The following MPHOSPH9 variants were observed in gnomAD, a reference collection of about 807,000 sequenced individuals.
MPHOSPH9 encodes M-phase phosphoprotein 9.
MPHOSPH9 carries 88 observed loss-of-function variants against 145.5 expected under a neutral mutation model. The observed-to-expected ratio is 0.60, with a 90% CI of 0.51 to 0.72. The LOEUF is 0.72. Ranked by LOEUF, MPHOSPH9 falls within the 30% of genes least tolerant of loss-of-function variation. The pLI is 0.00. For missense variants in MPHOSPH9, 1,238 were observed against 1,386.6 expected, an observed-to-expected ratio of 0.89 and a Z score of 1.70; for synonymous variants, 435 against 486.2, an observed-to-expected ratio of 0.89 and a Z score of 1.39.
intron 18 of MPHOSPH9, among the ~76,000 whole-genome samples, chr12:123,165,014 TCAAA>T (rs2044254558): frequency 9.2e-5 from 2 of 21,630 alleles, no homozygotes; most frequent in African/African-American, 3.9e-4. Context: ...TCTCACTGTC[TCAAA>T]AAAAAAAAAA....
chr12:123,198,283 T>G lies in MPHOSPH9; in HGVS notation c.1989A>C (p.Thr663=), dbSNP rs1383889780. Residue 663 remains threonine (T), a synonymous_variant, in exon 12 of 24, where the codon ACA becomes ACC. Transcript: ENST00000606320. The stretch of plus-strand genomic sequence containing the variant: ...CCAGTAAGTTATTCTTATTTTCAAG[T>G]GTTCTCACGCGACTAGTAGCTTCAT... ...ALHEATSRVR[T]LENKNNLLEI... The G allele has an allele frequency of 2.5e-6, 4 of 1,612,220 alleles. No homozygotes were observed.
At chr12:123,231,443 G>A (rs2047629758) in intron 1 of MPHOSPH9, among the ~76,000 whole-genome samples, 1 of 152,166 alleles carries the variant, frequency 6.6e-6, no homozygotes, top group Non-Finnish European at 1.5e-5. Flanking sequence ...CAATTAAACT[G>A]TTAACAACCA....
intron 8 of MPHOSPH9, among the ~76,000 whole-genome samples, chr12:123,208,034 A>G (rs1180211751): frequency 6.6e-6 from 1 of 151,476 alleles, no homozygotes; most frequent in Non-Finnish European, 1.5e-5. Flanking sequence ...CCTGGCCAAC[A>G]TCACGAAACT....
intron 2 of MPHOSPH9, 133 bp from the exon 3 acceptor site, chr12:123,227,749 A>G (rs1022731088): frequency 4.1e-5 from 30 of 730,544 alleles, no homozygotes; most frequent in Non-Finnish European, 4.7e-5. Flanking sequence ...TCATTTGTTC[A>G]AAATCTGATC....
intron 21 of MPHOSPH9, 45 bp from the exon 22 acceptor site, chr12:123,161,428 C>A (rs199689716): frequency 1.2e-6 from 2 of 1,603,126 alleles, no homozygotes; most frequent in Non-Finnish European, 1.7e-6. Flanking sequence ...ATCAATTTTT[C>A]GTGTAGGTTG....
intron 4 of MPHOSPH9, 136 bp from the exon 5 acceptor site, chr12:123,222,031 TA>T (rs2047221238): frequency 1.5e-6 from 1 of 664,786 alleles, no homozygotes; most frequent in African/African-American, 1.8e-5. Flanking sequence ...ATCTTTAGTT[TA>T]TAAACAAAAT....
intron 12 of MPHOSPH9, among the ~76,000 whole-genome samples, chr12:123,196,572 G>C (rs1253369102): frequency 1.3e-5 from 2 of 151,950 alleles, no homozygotes; most frequent in African/African-American, 2.4e-5. Flanking sequence ...TCTTTGTTCA[G>C]AAAGAAAAAA....
At chr12:123,158,803 G>C (rs1194376490) in intron 23 of MPHOSPH9, among the ~76,000 whole-genome samples, 1 of 151,912 alleles carries the variant, frequency 6.6e-6, no homozygotes, top group African/African-American at 2.4e-5. Context: ...TAATTTTTTT[G>C]TATTTTTAGT....
chr12:123,157,740 G>A (rs2043932558), intron 23 of MPHOSPH9, among the ~76,000 whole-genome samples: 1 of 151,922 alleles, frequency 6.6e-6, no homozygotes, highest in South Asian at 2.1e-4. Context: ...ACCCACCTCG[G>A]CCTCCCAAAG....
intron 11 of MPHOSPH9, among the ~76,000 whole-genome samples, chr12:123,200,391 T>A (rs1350109441): frequency 1.3e-5 from 2 of 152,020 alleles, no homozygotes; most frequent in East Asian, 3.9e-4. Flanking sequence ...AGTGATTACA[T>A]CTACTCCAGT....
chr12:123,196,726 C>G (rs1046498515), intron 12 of MPHOSPH9, among the ~76,000 whole-genome samples: 3 of 151,912 alleles, frequency 2.0e-5, no homozygotes, highest in African/African-American at 7.3e-5. Flanking sequence ...ACATTCATAG[C>G]AATATAATTT....
Position 123,156,856 on chromosome 12 carries a change from C to T in MPHOSPH9, c.3503G>A (p.Arg1168His), listed in dbSNP as rs758488639. The T allele has an allele frequency of 2.5e-6, 4 of 1,611,850 alleles. No individual in the cohort carries two copies. Among genetic ancestry groups the T allele is most frequent in the East Asian group, 2.2e-5 (1 of 44,836 alleles). The change falls in exon 24 of 24, where the codon CGC becomes CAC. Residue 1168 changes from arginine (R) to histidine (H), a missense_variant. By Grantham distance (29) the Arg-to-His change is conservative (BLOSUM62 0). This residue lies in a region of MPHOSPH9 where 393 missense variants were observed against 462.5 expected (regional missense o/e 0.85). Transcript: ENST00000606320. ...AACATGGAATTTCTTTAGCGTCATG[C>T]GAACTGAACCCAGTTCTCGATTAAT... ...ERINRELGSV[R>H]MTLKKFHVLR...
intron 13 of MPHOSPH9, among the ~76,000 whole-genome samples, chr12:123,187,674 G>C (rs1277616985): frequency 6.6e-6 from 1 of 152,152 alleles, no homozygotes; most frequent in African/African-American, 2.4e-5. Context: ...GAACAGCTCA[G>C]AGCCTCAAAG....
upstream of MPHOSPH9, among the ~76,000 whole-genome samples, chr12:123,234,872 C>CCTT (rs1555235044): frequency 6.6e-6 from 1 of 152,174 alleles, no homozygotes; most frequent in Non-Finnish European, 1.5e-5. Flanking sequence ...ACAGTGATCT[C>CCTT]CTTAGTACCT....
chr12:123,206,033 C>A (rs1280771932), intron 8 of MPHOSPH9, among the ~76,000 whole-genome samples: 1 of 151,896 alleles, frequency 6.6e-6, no homozygotes. Flanking sequence ...CTACATGCTA[C>A]TAAGACAGGT....
rs566845447 is a variant in MPHOSPH9, at chr12:123,166,558, A to C, written c.2591+97T>G. On this transcript the variant is annotated intron_variant, in intron 17 of 23. Transcript: ENST00000606320. ...CAGGTTCTCAAAATTAAGACATTAAAGAACCAAAGAGAGGGCTTCCCAAAC... is the reference window on the plus strand; with the variant it reads ...CAGGTTCTCAAAATTAAGACATTAACGAACCAAAGAGAGGGCTTCCCAAAC... The C allele has an allele frequency of 1.1e-5, 15 of 1,356,986 alleles. No homozygotes were observed. In the African/African-American group the frequency reaches 1.9e-4, roughly 17 times the overall value. 84.1% of individuals were successfully genotyped at this position (1,356,986 alleles called of 1,614,324 possible). A position where few individuals can be genotyped will look rare whatever the true frequency, so the allele number is the denominator to read the frequency against.
intron 22 of MPHOSPH9, 78 bp from the exon 23 acceptor site, chr12:123,160,927 G>A (rs1237011528): frequency 6.7e-7 from 1 of 1,490,408 alleles, no homozygotes; most frequent in African/African-American, 1.4e-5. Flanking sequence ...AAAGGTTTTG[G>A]CTTAGTATTT....
At chr12:123,233,646 T>G (rs1837336420), upstream of MPHOSPH9, 1 of 151,840 alleles carries the variant, frequency 6.6e-6, no homozygotes, top group South Asian at 2.1e-4. Context: ...CGACCCCGAG[T>G]GGCGCAGCCA....
Position 123,202,921 on chromosome 12 carries a change from T to G in MPHOSPH9, c.1484A>C (p.Gln495Pro), listed in dbSNP as rs765178569. 3 of 1,614,160 alleles carry G rather than the reference T, an allele frequency of 1.9e-6. No individual in the cohort carries two copies. Among genetic ancestry groups the G allele is most frequent in the Admixed American group, 3.3e-5 (2 of 59,994 alleles). The change falls in exon 10 of 24, where the codon CAA becomes CCA. Residue 495 changes from glutamine (Q) to proline (P), a missense_variant. Around this residue, in one of 3 missense-constraint regions of MPHOSPH9, gnomAD observed 837 missense variants for 897.5 expected, o/e 0.93. Coordinates refer to ENST00000606320, the MANE Select transcript of MPHOSPH9 (RefSeq NM_022782.4). ...SSPSDIDSFS[Q>P]ASNVTSQLPG... Reference sequence around the variant, plus strand: ...TAACTGAGAAGTGACATTACTTGCTTGTGAAAATGAGTCTATGTCAGAGGG... The same window carrying G: ...TAACTGAGAAGTGACATTACTTGCTGGTGAAAATGAGTCTATGTCAGAGGG...
Sources: gnomAD v4.1 joint callset for allele counts (sites outside exome capture counted in the v4.1 genomes callset) on GRCh38, gnomAD v4.1.1 for gene constraint, gnomAD v4.1.1 regional missense constraint, MANE v1.5 for transcripts, NCBI Gene and HGNC (gene_info 2026-07-23, HGNC 2026-07-21) for gene names.